The following PCCA variants were observed in gnomAD, a reference collection of about 807,000 sequenced individuals.
PCCA encodes propionyl-CoA carboxylase alpha chain, mitochondrial.
PCCA carries 74 observed loss-of-function variants against 101.3 expected under a neutral mutation model. The observed-to-expected ratio is 0.73, with a 90% CI of 0.61 to 0.89. The LOEUF (loss-of-function observed/expected upper bound fraction) is 0.89. Ranked by LOEUF, PCCA falls within the 40% of genes least tolerant of loss-of-function variation. PCCA has a pLI of 0.00. For synonymous variants in PCCA, 294 were observed against 313.6 expected (o/e 0.94, Z 0.66); for missense variants, 891 against 907.0 (o/e 0.98, Z 0.23).
At chr13:100,170,518 A>G (rs185746438) in intron 6 of PCCA, among the ~76,000 whole-genome samples, 80 of 152,320 alleles carry the variant, frequency 5.3e-4, no homozygotes, top group Non-Finnish European at 6.8e-4. Context: ...TTGACTCATA[A>G]TATGTGATAT....
intron 11 of PCCA, among the ~76,000 whole-genome samples, chr13:100,272,476 C>T (rs1449708777): frequency 6.6e-6 from 1 of 152,070 alleles, no homozygotes; most frequent in African/African-American, 2.4e-5. Flanking sequence ...ACATTTTCTC[C>T]AGACAGTACT....
At chr13:100,226,855 T>TA (rs1227806147) in intron 7 of PCCA, among the ~76,000 whole-genome samples, 1 of 152,232 alleles carries the variant, frequency 6.6e-6, no homozygotes, top group East Asian at 1.9e-4. Flanking sequence ...CAGCCTTGAC[T>TA]AATTTCATCT....
At chr13:100,432,868 C>T (rs760960009) in intron 20 of PCCA, among the ~76,000 whole-genome samples, 18 of 152,122 alleles carry the variant, frequency 1.2e-4, no homozygotes, top group South Asian at 2.1e-4. Context: ...GTATGGGTAC[C>T]GCCTATAAAT....
At chr13:100,341,515 A>G (rs1424079637) in intron 18 of PCCA, among the ~76,000 whole-genome samples, 1 of 152,022 alleles carries the variant, frequency 6.6e-6, no homozygotes, top group Non-Finnish European at 1.5e-5. Flanking sequence ...AAACGTGGCT[A>G]CATTTCAACT....
chr13:100,422,122 T>C (rs200198918), intron 19 of PCCA, among the ~76,000 whole-genome samples: 172 of 121,208 alleles, frequency 1.4e-3, no homozygotes, highest in Non-Finnish European at 2.4e-3. Flanking sequence ...TTCTTTCTTT[T>C]CTTTCTTTCT....
intron 21 of PCCA, among the ~76,000 whole-genome samples, chr13:100,489,321 T>C (rs1433930148): frequency 6.6e-6 from 1 of 151,394 alleles, no homozygotes; most frequent in Non-Finnish European, 1.5e-5. Flanking sequence ...AAAAAAAAAG[T>C]TTTATCGGAA....
intron 20 of PCCA, among the ~76,000 whole-genome samples, chr13:100,439,141 A>T (rs933851892): frequency 1.3e-5 from 2 of 152,142 alleles, no homozygotes; most frequent in African/African-American, 4.8e-5. Flanking sequence ...CACAGGCAAA[A>T]TTTTTTGTAA....
In PCCA at chr13:100,419,443, G is replaced by A. The variant is rs139263132; in HGVS notation, c.1747-6190G>A. ...GCCAAGATTGTACCACTGTACTCTA[G>A]CCTGGGCAACAGAGCGAGACTTTGT... On this transcript the variant is annotated intron_variant, in intron 19 of 23. Coordinates refer to ENST00000376285, the MANE Select transcript of PCCA (RefSeq NM_000282.4). Among the ~76,000 whole-genome samples the A allele has an allele frequency of 3.4e-4, 52 of 150,818 alleles. No individual in the cohort carries two copies. In the East Asian group the frequency reaches 9.9e-3, roughly 29 times the overall value.
intron 12 of PCCA, among the ~76,000 whole-genome samples, chr13:100,281,486 G>C (rs1045011483): frequency 2.0e-5 from 3 of 152,168 alleles, no homozygotes; most frequent in Admixed American, 6.5e-5. Flanking sequence ...CTAGGAACAT[G>C]TCCCCCAAGG....
chr13:100,158,540 T>C (rs1055338950), intron 6 of PCCA, among the ~76,000 whole-genome samples: 33 of 152,260 alleles, frequency 2.2e-4, no homozygotes, highest in Non-Finnish European at 4.4e-5. Flanking sequence ...GCAGCATATC[T>C]ACATTTTTTT....
intron 6 of PCCA, among the ~76,000 whole-genome samples, chr13:100,192,706 AGAAC>A (rs2057818739): frequency 6.6e-6 from 1 of 152,206 alleles, no homozygotes; most frequent in African/African-American, 2.4e-5. Context: ...TAAAAAGAAA[AGAAC>A]GGTTTACAGA....
chr13:100,426,568 A>G (rs1479427694), intron 20 of PCCA, among the ~76,000 whole-genome samples: 2 of 152,174 alleles, frequency 1.3e-5, no homozygotes, highest in Non-Finnish European at 2.9e-5. Context: ...ATCTACCTCT[A>G]TGAGAGACCG....
At chr13:100,231,560 C>G (rs1007499331) in intron 7 of PCCA, among the ~76,000 whole-genome samples, 13 of 152,096 alleles carry the variant, frequency 8.5e-5, no homozygotes, top group African/African-American at 3.1e-4. Flanking sequence ...ATTTAATATT[C>G]TCAAAATCAT....
At chr13:100,183,456 G>T (rs2056978566) in intron 6 of PCCA, among the ~76,000 whole-genome samples, 1 of 152,182 alleles carries the variant, frequency 6.6e-6, no homozygotes, top group African/African-American at 2.4e-5. Flanking sequence ...CAGCAGGGAA[G>T]AAATACTGGG....
chr13:100,322,358 G>A (rs772334460), intron 16 of PCCA, among the ~76,000 whole-genome samples: 58 of 152,116 alleles, frequency 3.8e-4, no homozygotes, highest in Non-Finnish European at 7.1e-4. Flanking sequence ...GGAAAGTGGA[G>A]TCTGTGTCTG....
intron 18 of PCCA, among the ~76,000 whole-genome samples, chr13:100,351,703 C>A (rs1436319157): frequency 6.6e-6 from 1 of 152,074 alleles, no homozygotes; most frequent in East Asian, 1.9e-4. Flanking sequence ...TTAGAACTAC[C>A]TTTTCCTTAA....
At position 100,306,032 on chromosome 13, in the gene PCCA, G is replaced by C. The variant is rs139574237; in HGVS notation, c.1285-1160G>C. Among the ~76,000 whole-genome samples, 556 of 152,276 alleles carry C rather than the reference G, an allele frequency of 3.7e-3. 3 individuals are homozygous for C. The highest frequency in any genetic ancestry group is 0.013 in the African/African-American group (529 of 41,546). ...TTTTAAGAAAATGAAACTATCGCTT[G>C]TCTTCTGATGTCACCGTATAATAAA... On this transcript the variant is annotated intron_variant, in intron 14 of 23. Coordinates refer to ENST00000376285, the MANE Select transcript of PCCA (RefSeq NM_000282.4).
intron 1 of PCCA, among the ~76,000 whole-genome samples, chr13:100,093,532 C>G (rs577182772): frequency 3.9e-5 from 6 of 152,156 alleles, no homozygotes; most frequent in African/African-American, 1.4e-4. Context: ...TTTCTAAGTT[C>G]CAGGTACTAT....
At chr13:100,363,511 T>C (rs993933652) in intron 18 of PCCA, among the ~76,000 whole-genome samples, 3 of 152,214 alleles carry the variant, frequency 2.0e-5, no homozygotes, top group Non-Finnish European at 2.9e-5. Flanking sequence ...TTCTCTGAAC[T>C]TGGTTCAGAT....
Sources: allele counts gnomAD v4.1 joint callset (sites outside exome capture counted in the v4.1 genomes callset), GRCh38; gene constraint gnomAD v4.1.1; transcripts MANE v1.5; gene names NCBI Gene and HGNC (gene_info 2026-07-23, HGNC 2026-07-21).